The following SETBP1 variants were observed in gnomAD, a reference collection of about 807,000 sequenced individuals.
SETBP1 encodes the protein SET binding protein 1.
A neutral mutation model predicts 101.0 loss-of-function variants in SETBP1; 9 were observed. That is an observed-to-expected ratio of 0.09 (90% confidence interval 0.05 to 0.16). The LOEUF is 0.16. SETBP1 is among the 10% of genes least tolerant of loss of function. The pLI, the probability that SETBP1 is intolerant of heterozygous loss-of-function variation, is 1.00. For missense variants in SETBP1, 1,858 were observed against 2,033.8 expected (o/e 0.91, Z 1.66); for synonymous variants, 818 against 788.5 (o/e 1.04, Z -0.63).
intron 3 of SETBP1, among the ~76,000 whole-genome samples, chr18:44,926,246 T>C (rs2070702225): frequency 6.6e-6 from 1 of 152,118 alleles, no homozygotes; most frequent in Admixed American, 6.5e-5. Flanking sequence ...GTGTCGATAT[T>C]ATGGAAGGTG....
At chr18:44,761,977 C>G (rs1396210142) in intron 2 of SETBP1, among the ~76,000 whole-genome samples, 1 of 152,082 alleles carries the variant, frequency 6.6e-6, no homozygotes. Context: ...TGTGCATGAC[C>G]TGGCCCCATT....
chr18:44,763,237 T>C, intron 2 of SETBP1, among the ~76,000 whole-genome samples: 1 of 152,188 alleles, frequency 6.6e-6, no homozygotes, highest in Middle Eastern at 3.2e-3. Context: ...ATAGTTGAAG[T>C]TATGAAATAG....
intron 2 of SETBP1, among the ~76,000 whole-genome samples, chr18:44,711,648 A>G (rs1205552048): frequency 1.3e-5 from 2 of 148,886 alleles, no homozygotes; most frequent in African/African-American, 5.0e-5. Context: ...AGCTCAGCCT[A>G]CTGAGTAGCT....
At chr18:44,971,661 G>A (rs2071862964) in intron 4 of SETBP1, among the ~76,000 whole-genome samples, 2 of 152,312 alleles carry the variant, frequency 1.3e-5, no homozygotes, top group African/African-American at 4.8e-5. Context: ...TCTTTTGGCT[G>A]CATAAATATC....
intron 3 of SETBP1, among the ~76,000 whole-genome samples, chr18:44,887,944 G>T (rs2069686042): frequency 6.6e-6 from 1 of 152,120 alleles, no homozygotes; most frequent in South Asian, 2.1e-4. Context: ...GGGCTCAGTG[G>T]GAGGCAGAGA....
At chr18:44,756,305 T>A (rs1000179546) in intron 2 of SETBP1, among the ~76,000 whole-genome samples, 1 of 152,190 alleles carries the variant, frequency 6.6e-6, no homozygotes. Context: ...ATGTGCCTCG[T>A]GAGTCTCCAC....
chr18:44,996,058 G>T (rs1441910950), intron 4 of SETBP1, among the ~76,000 whole-genome samples: 1 of 152,172 alleles, frequency 6.6e-6, no homozygotes, highest in Non-Finnish European at 1.5e-5. Context: ...AAATTCAAAT[G>T]AAGCTACCCC....
chr18:44,753,453 C>A (rs1424887386), intron 2 of SETBP1, among the ~76,000 whole-genome samples: 1 of 152,194 alleles, frequency 6.6e-6, no homozygotes, highest in African/African-American at 2.4e-5. Flanking sequence ...GTAGAAATGC[C>A]TTTGCCTAAC....
At chr18:44,875,372 G>A (rs1599260385) in intron 3 of SETBP1, among the ~76,000 whole-genome samples, 2 of 151,910 alleles carry the variant, frequency 1.3e-5, no homozygotes. Flanking sequence ...ACAAAAACTA[G>A]CTGGGCGTGG....
chr18:44,956,483 G>A (rs1176998023), intron 4 of SETBP1, among the ~76,000 whole-genome samples: 8 of 151,780 alleles, frequency 5.3e-5, no homozygotes, highest in Non-Finnish European at 1.2e-4. Context: ...ATGGTTCTGA[G>A]GGTCATGATT....
chr18:44,887,260 A>T (rs1314628214), intron 3 of SETBP1, among the ~76,000 whole-genome samples: 2 of 152,164 alleles, frequency 1.3e-5, no homozygotes, highest in Non-Finnish European at 2.9e-5. Context: ...TTGCTCATGC[A>T]GCATCTGGCT....
At chr18:45,008,348 G>A (rs751689711) in intron 4 of SETBP1, among the ~76,000 whole-genome samples, 3 of 152,156 alleles carry the variant, frequency 2.0e-5, no homozygotes, top group Non-Finnish European at 2.9e-5. Context: ...CGAAGACCAT[G>A]TATGTCCATC....
intron 5 of SETBP1, among the ~76,000 whole-genome samples, chr18:45,053,648 G>A (rs2073759821): frequency 6.6e-6 from 1 of 152,136 alleles, no homozygotes; most frequent in Non-Finnish European, 1.5e-5. Flanking sequence ...ACCATTATAT[G>A]TAATTCTTGA....
chr18:44,929,584 A>G (rs901680191), intron 3 of SETBP1, among the ~76,000 whole-genome samples: 3 of 152,166 alleles, frequency 2.0e-5, no homozygotes, highest in Admixed American at 2.0e-4. Flanking sequence ...ATGTTCTTCC[A>G]TCTGTTTGTA....
At chr18:44,827,938 G>T (rs1248552447) in intron 2 of SETBP1, among the ~76,000 whole-genome samples, 1 of 152,158 alleles carries the variant, frequency 6.6e-6, no homozygotes, top group Non-Finnish European at 1.5e-5. Flanking sequence ...TTCAAGCCTA[G>T]TCATGCTCAG....
At chr18:44,804,828 G>T (rs537485156) in intron 2 of SETBP1, among the ~76,000 whole-genome samples, 44 of 152,114 alleles carry the variant, frequency 2.9e-4, no homozygotes, top group African/African-American at 1.1e-3. Flanking sequence ...AGCTTGCATC[G>T]TTTCTTACAC....
chr18:44,846,510 C>T (rs2072727771), intron 2 of SETBP1, among the ~76,000 whole-genome samples: 2 of 152,188 alleles, frequency 1.3e-5, no homozygotes, highest in Non-Finnish European at 1.5e-5. Flanking sequence ...GAGTCATATA[C>T]AGCATGTGCC....
chr18:44,964,573 A>G (rs1438872869), intron 4 of SETBP1, among the ~76,000 whole-genome samples: 1 of 148,102 alleles, frequency 6.8e-6, no homozygotes, highest in African/African-American at 2.5e-5. Flanking sequence ...GAATTATTTG[A>G]AAACGTTTTT....
intron 3 of SETBP1, among the ~76,000 whole-genome samples, chr18:44,924,013 T>C (rs1458975772): frequency 2.6e-5 from 4 of 152,172 alleles, no homozygotes; most frequent in Non-Finnish European, 4.4e-5. Flanking sequence ...CCAGTCCGTT[T>C]TTTTTTCCTT....
Sources: gnomAD v4.1 joint callset for allele counts (sites outside exome capture counted in the v4.1 genomes callset) on GRCh38, gnomAD v4.1.1 for gene constraint, MANE v1.5 for transcripts, NCBI Gene and HGNC (gene_info 2026-07-23, HGNC 2026-07-21) for gene names.